The following TRAF3IP2 variants were observed in gnomAD, a reference collection of about 807,000 sequenced individuals.
TRAF3IP2 encodes the protein TRAF3 interacting protein 2.
A neutral mutation model predicts 57.9 loss-of-function variants in TRAF3IP2; 35 were observed. That is an observed-to-expected ratio of 0.60 (90% CI 0.46 to 0.80). The LOEUF (loss-of-function observed/expected upper bound fraction) is 0.80. Ranked by LOEUF, TRAF3IP2 falls within the 30% of genes least tolerant of loss-of-function variation. TRAF3IP2 has a pLI of 0.00. For missense variants in TRAF3IP2, 556 were observed against 706.4 expected (o/e 0.79, Z 2.41); for synonymous variants, 251 against 268.9 (o/e 0.93, Z 0.65).
chr6:111,575,825 G>C lies in TRAF3IP2; in HGVS notation c.1023-4C>G, dbSNP rs1795968896. 6 of 1,608,132 alleles carry C rather than the reference G, an allele frequency of 3.7e-6. No individual in the cohort carries two copies. The highest frequency in any genetic ancestry group is 2.7e-5 in the African/African-American group (2 of 74,434). On this transcript the variant is annotated splice_region_variant and splice_polypyrimidine_tract_variant and intron_variant, in intron 3 of 8. Coordinates refer to ENST00000368761, the MANE Select transcript of TRAF3IP2 (RefSeq NM_147686.4). The stretch of plus-strand genomic sequence containing the variant: ...TGGCTGGTGATGTGGCTGGTCCCTA[G>C]AAAGGAATACATTTACAGTCAATTT...
Position 111,591,339 on chromosome 6 carries a change from T to A in TRAF3IP2, c.748A>T (p.Met250Leu). Residue 250 changes from methionine (M) to leucine (L), a missense_variant, in exon 2 of 9, where the codon ATG (methionine) becomes TTG (leucine). Met to Leu is a conservative substitution (Grantham distance 15, BLOSUM62 2). Coordinates refer to ENST00000368761, the MANE Select transcript of TRAF3IP2 (RefSeq NM_147686.4). This position sits in a 1 kb window ranked among gnomAD's most constrained non-coding sequence, Gnocchi z 4.9. The stretch of plus-strand genomic sequence containing the variant: ...TGTGGGGAAAGATTGGGAGGCAGCA[T>A]CTGTGCACATGCTGGATACCTCTGA... ...EPQRYPACAQ[M>L]LPPNLSPHAP... The A allele has an allele frequency of 6.6e-7, 1 of 1,525,822 alleles. No individual in the cohort carries two copies. The highest frequency in any genetic ancestry group is 8.8e-7 in the Non-Finnish European group (1 of 1,139,196). 94.5% of individuals were successfully genotyped at this position (1,525,822 alleles called of 1,614,324 possible).
At chr6:111,595,670 A>G (rs1796661125) in intron 1 of TRAF3IP2, among the ~76,000 whole-genome samples, 1 of 151,978 alleles carries the variant, frequency 6.6e-6, no homozygotes, top group Non-Finnish European at 1.5e-5. Flanking sequence ...TCTACTAAAA[A>G]TACAAAAATT....
intron 3 of TRAF3IP2, 90 bp from the exon 4 acceptor site, chr6:111,575,911 C>A (rs753491886): frequency 7.4e-6 from 9 of 1,218,560 alleles, no homozygotes; most frequent in Non-Finnish European, 1.0e-5. Context: ...TGGGAAGATC[C>A]CAGTGGGCTC....
At chr6:111,575,901 T>C (rs1044775499) in intron 3 of TRAF3IP2, 80 bp from the exon 4 acceptor site, 2 of 1,369,888 alleles carry the variant, frequency 1.5e-6, no homozygotes, top group South Asian at 2.6e-5. Flanking sequence ...TTTAGAACTA[T>C]GGGAAGATCC....
At chr6:111,600,821 C>G (rs964158707) in intron 1 of TRAF3IP2, 1 of 168,120 alleles carries the variant, frequency 5.9e-6, no homozygotes, top group South Asian at 1.7e-4. Context: ...GAACTTTACT[C>G]TTTGTTAGCA....
At position 111,555,947 on chromosome 6, in the gene TRAF3IP2, C is replaced by T. The variant is rs1168209765; in HGVS notation, c.*3458G>A. On this transcript the variant is annotated 3_prime_UTR_variant, in exon 9 of 9. Transcript: ENST00000368761. ...TGAAACCCCGTCTCTACTAAAAATA[C>T]AAAAAATTAGCCGGGCATGGTGGCA... is the stretch of plus-strand genomic sequence containing the variant. 2.6e-5 allele frequency among the ~76,000 whole-genome samples: 4 copies of T among 152,040 alleles called. No individual in the cohort carries two copies. Among genetic ancestry groups the T allele is most frequent in the Non-Finnish European group, 5.9e-5 (4 of 67,964 alleles).
At chr6:111,599,318 C>T (rs749143793) in intron 1 of TRAF3IP2, among the ~76,000 whole-genome samples, 3 of 152,134 alleles carry the variant, frequency 2.0e-5, no homozygotes. Flanking sequence ...TTTCTCTCTC[C>T]AGGTCCCTTG....
intron 1 of TRAF3IP2, chr6:111,599,793 A>C (rs1039163219): frequency 6.6e-6 from 1 of 152,198 alleles, no homozygotes; most frequent in Non-Finnish European, 1.5e-5. Context: ...TGTGGGAAGC[A>C]AGTCTCTCCC....
rs1309349403 is a variant in TRAF3IP2, at chr6:111,556,533, GAGAA to G, written c.*2868_*2871del. 1.3e-5 allele frequency: 2 copies of G among 152,304 alleles called. No homozygotes were observed. The highest frequency in any genetic ancestry group is 2.4e-5 in the African/African-American group (1 of 41,570). 9.4% of individuals were successfully genotyped at this position (152,304 alleles called of 1,614,324 possible). Reference sequence around the variant, plus strand: ...CAGACTAAAAAAGATAATGAAAAAAGAGAAAGAAGACTTGAAGTTTGTGTTTGGG... The same window carrying G: ...CAGACTAAAAAAGATAATGAAAAAAGAGAAGACTTGAAGTTTGTGTTTGGG... On this transcript the variant is annotated 3_prime_UTR_variant, in exon 9 of 9. Coordinates refer to ENST00000368761, the MANE Select transcript of TRAF3IP2 (RefSeq NM_147686.4).
In TRAF3IP2 at chr6:111,555,872, G is replaced by C. The variant is rs1291781688; in HGVS notation, c.*3533C>G. On this transcript the variant is annotated 3_prime_UTR_variant, in exon 9 of 9. Transcript: ENST00000368761. ...TAATCCCAGCAATTTGGGAGGCCGA[G>C]GCGGATGGATCACGAGGTCAGGAGA... Among the ~76,000 whole-genome samples the C allele has an allele frequency of 6.6e-6, 1 of 152,206 alleles. No homozygotes were observed. The highest frequency in any genetic ancestry group is 1.5e-5 in the Non-Finnish European group (1 of 68,042).
At chr6:111,575,132 G>A (rs1048812096) in intron 4 of TRAF3IP2, among the ~76,000 whole-genome samples, 63 of 152,128 alleles carry the variant, frequency 4.1e-4, no homozygotes, top group African/African-American at 1.4e-3. Flanking sequence ...GCTGAGGTGG[G>A]AGAATCACCT....
intron 5 of TRAF3IP2, among the ~76,000 whole-genome samples, chr6:111,571,943 A>G (rs1034454505): frequency 2.0e-5 from 3 of 152,074 alleles, no homozygotes; most frequent in Non-Finnish European, 2.9e-5. Context: ...ATCTTATAGA[A>G]TAAAGAAAGC....
At chr6:111,572,066 T>C (rs909240881) in intron 5 of TRAF3IP2, among the ~76,000 whole-genome samples, 25 of 152,168 alleles carry the variant, frequency 1.6e-4, no homozygotes, top group Non-Finnish European at 3.1e-4. Context: ...TTTCCCTTAA[T>C]TTTTCACCAC....
At chr6:111,576,883 T>A (rs1386768018) in intron 3 of TRAF3IP2, 1 of 152,198 alleles carries the variant, frequency 6.6e-6, no homozygotes, top group Non-Finnish European at 1.5e-5. Context: ...AAAAATGTTT[T>A]GACTACAAAA....
intron 5 of TRAF3IP2, among the ~76,000 whole-genome samples, chr6:111,569,110 G>T (rs1000556456): frequency 6.6e-6 from 1 of 152,174 alleles, no homozygotes; most frequent in Non-Finnish European, 1.5e-5. Context: ...TGGAATGGCT[G>T]TTATTTTGGT....
At chr6:111,567,090 A>C (rs1243690302) in intron 6 of TRAF3IP2, 1 of 823,332 alleles carries the variant, frequency 1.2e-6, no homozygotes, top group Non-Finnish European at 1.5e-6. Flanking sequence ...GGCTCCCTCC[A>C]AAAGAAGCAG....
rs1201303649 is a variant in TRAF3IP2, at chr6:111,557,644, A to T, written c.*1761T>A. On this transcript the variant is annotated 3_prime_UTR_variant, in exon 9 of 9. Transcript: ENST00000368761. ...ATGGAGTTTCACCGTGTTAGCCAGG[A>T]TGGTCTTGATCTCCTGACCTCATGA... 6.6e-6 allele frequency: 1 copy of T among 151,388 alleles called. No homozygotes were observed. The highest frequency in any genetic ancestry group is 6.6e-5 in the Admixed American group (1 of 15,232). The allele number at this position is 151,388 out of a possible 1,614,324, so 9.4% of individuals were successfully genotyped here.
chr6:111,567,176 CTG>C (rs1795677215), intron 6 of TRAF3IP2: 10 of 1,003,180 alleles, frequency 1.0e-5, no homozygotes, highest in Non-Finnish European at 1.2e-5. Context: ...GGTATAGATT[CTG>C]TCAGTGGAGA....
intron 7 of TRAF3IP2, among the ~76,000 whole-genome samples, chr6:111,565,918 G>A (rs1795621148): frequency 6.6e-6 from 1 of 152,080 alleles, no homozygotes; most frequent in Admixed American, 6.6e-5. Flanking sequence ...GACCCATTTT[G>A]TGAATAGGGA....
Sources: allele counts gnomAD v4.1 joint callset (sites outside exome capture counted in the v4.1 genomes callset), GRCh38; gene constraint gnomAD v4.1.1; non-coding constraint Gnocchi (gnomAD v3.1); transcripts MANE v1.5; gene names NCBI Gene and HGNC (gene_info 2026-07-23, HGNC 2026-07-21).